The following PRKN variants were observed in gnomAD, a reference collection of about 807,000 sequenced individuals.
PRKN encodes the protein parkin RBR E3 ubiquitin protein ligase, also known as E3 ubiquitin-protein ligase parkin.
PRKN carries 56 observed loss-of-function variants against 59.5 expected under a neutral mutation model. The ratio of observed to expected loss-of-function variants is 0.94; its 90% confidence interval spans 0.76 to 1.18. The LOEUF (loss-of-function observed/expected upper bound fraction) is 1.18. PRKN is among the 50% of genes most tolerant of loss of function. The pLI is 0.00. For synonymous variants in PRKN, 250 were observed against 222.1 expected (o/e 1.13, Z -1.12); for missense variants, 657 against 596.4 (o/e 1.10, Z -1.06).
At chr6:161,591,579 A>G (rs931836465) in intron 7 of PRKN, among the ~76,000 whole-genome samples, 6 of 152,206 alleles carry the variant, frequency 3.9e-5, no homozygotes, top group African/African-American at 1.4e-4. Flanking sequence ...AGTTTCCACA[A>G]CATCCACAGA....
chr6:161,347,514 T>G lies in PRKN; in HGVS notation c.*2585A>C, dbSNP rs1190240388. On this transcript the variant is annotated 3_prime_UTR_variant, in exon 12 of 12. Transcript: ENST00000366898. The stretch of plus-strand genomic sequence containing the variant: ...AAAACAGACTTTTTCTGCAAAGACT[T>G]TATTTCTATTTTTTGATACATTCAT... 1 of 152,118 alleles carries G rather than the reference T, an allele frequency of 6.6e-6. No homozygotes were observed. Among genetic ancestry groups the G allele is most frequent in the East Asian group, 1.9e-4 (1 of 5,198 alleles). The allele number at this position is 152,118 out of a possible 1,614,324, so 9.4% of individuals were successfully genotyped here. A position where few individuals can be genotyped will look rare whatever the true frequency, so the allele number is the denominator to read the frequency against.
chr6:162,028,194 T>G (rs1783508437), intron 5 of PRKN, among the ~76,000 whole-genome samples: 1 of 152,062 alleles, frequency 6.6e-6, no homozygotes, highest in Non-Finnish European at 1.5e-5. Context: ...TAAAACATGG[T>G]TTTAAAGTGT....
chr6:161,438,321 G>A (rs1342497130), intron 9 of PRKN, among the ~76,000 whole-genome samples: 1 of 147,748 alleles, frequency 6.8e-6, no homozygotes, highest in Non-Finnish European at 1.5e-5. Context: ...GGGTTCAAGT[G>A]ATTCTCCTGC....
rs139746522 is a variant in PRKN, at chr6:161,749,258, A to G, written c.871+36514T>C. 4.3e-3 allele frequency among the ~76,000 whole-genome samples: 654 copies of G among 152,342 alleles called. 2 individuals are homozygous for G. Among genetic ancestry groups the G allele is most frequent in the African/African-American group, 0.015 (617 of 41,572 alleles). Reference sequence around the variant, plus strand: ...TCTTGGAAGGGAGAAGCTGTGTCACATCTATCTTTGTAAGCCACAGAGCAA... The same window carrying G: ...TCTTGGAAGGGAGAAGCTGTGTCACGTCTATCTTTGTAAGCCACAGAGCAA... On this transcript the variant is annotated intron_variant, in intron 7 of 11. Transcript: ENST00000366898.
intron 1 of PRKN, among the ~76,000 whole-genome samples, chr6:162,548,715 A>G (rs879619433): frequency 6.6e-6 from 1 of 152,214 alleles, no homozygotes; most frequent in African/African-American, 2.4e-5. Context: ...CAATGAGCTC[A>G]GGTGCAAATT....
At chr6:161,432,532 A>ATTTTTTTT (rs767620173) in intron 9 of PRKN, among the ~76,000 whole-genome samples, 3 of 125,494 alleles carry the variant, frequency 2.4e-5, no homozygotes, top group Admixed American at 8.3e-5. Flanking sequence ...TGCCCAGCTA[A>ATTTTTTTT]TTTTTTTTTT....
chr6:162,648,138 T>A (rs1248376508), intron 1 of PRKN, among the ~76,000 whole-genome samples: 1 of 152,060 alleles, frequency 6.6e-6, no homozygotes, highest in Non-Finnish European at 1.5e-5. Context: ...CAGTATTATA[T>A]AACTCTACTG....
At position 162,021,133 on chromosome 6, in the gene PRKN, TATATATATATATATA is replaced by T. The variant is rs1193274424; in HGVS notation, c.618+32943_618+32957del. 4.4e-4 allele frequency among the ~76,000 whole-genome samples: 2 copies of T among 4,568 alleles called. 1 individual carries two copies. Among genetic ancestry groups the T allele is most frequent in the Non-Finnish European group, 6.6e-4 (2 of 3,038 alleles). The allele number at this position is 4,568 out of a possible 152,430, so 3.0% of individuals were successfully genotyped here. A position where few individuals can be genotyped will look rare whatever the true frequency, so the allele number is the denominator to read the frequency against. On this transcript the variant is annotated intron_variant, in intron 5 of 11. Transcript: ENST00000366898. ...AAAAACAAAAACATATATATATATA[TATATATATATATATA>T]TATATATATATATATATAAAATATA...
At chr6:162,673,744 C>A (rs548519149) in intron 1 of PRKN, among the ~76,000 whole-genome samples, 145 of 152,218 alleles carry the variant, frequency 9.5e-4, no homozygotes, top group African/African-American at 3.4e-3. Flanking sequence ...CCAAACCATA[C>A]AGAGGAAGAT....
intron 6 of PRKN, among the ~76,000 whole-genome samples, chr6:161,790,248 A>G (rs940256008): frequency 1.3e-5 from 2 of 152,250 alleles, no homozygotes; most frequent in African/African-American, 4.8e-5. Context: ...AATCACAGAC[A>G]TGCAAGTATG....
chr6:162,528,293 G>T (rs761928835), intron 1 of PRKN, among the ~76,000 whole-genome samples: 1 of 150,444 alleles, frequency 6.6e-6, no homozygotes, highest in Admixed American at 6.7e-5. Context: ...CTGCACTCCA[G>T]CCTGGGTGAA....
At chr6:162,321,384 T>TA (rs1490256608) in intron 2 of PRKN, among the ~76,000 whole-genome samples, 1 of 151,870 alleles carries the variant, frequency 6.6e-6, no homozygotes, top group Admixed American at 6.6e-5. Context: ...GATACTGCAT[T>TA]AAAAAACCTC....
In PRKN at chr6:161,516,511, A is replaced by AAAG. The variant is rs1024623750; in HGVS notation, c.1083+32340_1083+32342dup. 9.0e-5 allele frequency among the ~76,000 whole-genome samples: 13 copies of AAAG among 143,668 alleles called. No homozygotes were observed. In the South Asian group the frequency reaches 1.1e-3, roughly 12 times the overall value. The allele number at this position is 143,668 out of a possible 152,430, so 94.3% of individuals were successfully genotyped here. Reference sequence around the variant, plus strand: ...AAAAAAAAGAAGAAGAAGAAAGAAGAAAGAAGAAGAAGAAGAAGAAAAAGA... The same window carrying AAAG: ...AAAAAAAAGAAGAAGAAGAAAGAAGAAAGAAGAAGAAGAAGAAGAAGAAAAAGA... On this transcript the variant is annotated intron_variant, in intron 9 of 11. Transcript: ENST00000366898.
At position 162,710,937 on chromosome 6, in the gene PRKN, A is replaced by T. The variant is rs374022030; in HGVS notation, c.7+16725T>A. ...AGGGCACAGTGCATCCAGCCCTAGC[A>T]TCACCCAGTATTAAATGAAAATAAT... On this transcript the variant is annotated intron_variant, in intron 1 of 11. Transcript: ENST00000366898. Among the ~76,000 whole-genome samples the T allele has an allele frequency of 5.1e-3, 781 of 152,286 alleles. 7 individuals are homozygous for T. The highest frequency in any genetic ancestry group is 0.017 in the African/African-American group (713 of 41,560).
chr6:162,384,663 C>A (rs73015609), intron 2 of PRKN, among the ~76,000 whole-genome samples: 45,417 of 123,660 alleles, frequency 0.37, 7,988 homozygotes, highest in East Asian at 0.63. Context: ...AAAAAAAAAA[C>A]AAAAAAAAAA....
chr6:161,926,682 G>A (rs1165512460), intron 6 of PRKN, among the ~76,000 whole-genome samples: 1 of 152,150 alleles, frequency 6.6e-6, no homozygotes, highest in East Asian at 1.9e-4. Context: ...AATCTAGTGA[G>A]TTTTAGGTCT....
intron 4 of PRKN, among the ~76,000 whole-genome samples, chr6:162,116,023 A>G (rs1378027806): frequency 6.6e-6 from 1 of 152,204 alleles, no homozygotes; most frequent in African/African-American, 2.4e-5. Flanking sequence ...TTCATACTTT[A>G]AAAGATATAG....
intron 6 of PRKN, among the ~76,000 whole-genome samples, chr6:161,807,026 G>C (rs929233727): frequency 2.8e-4 from 43 of 152,202 alleles, no homozygotes; most frequent in African/African-American, 1.0e-3. Flanking sequence ...TCATTCCTTT[G>C]ATTTGCGCTG....
chr6:162,104,771 A>G (rs992314449), intron 4 of PRKN, among the ~76,000 whole-genome samples: 2 of 152,218 alleles, frequency 1.3e-5, no homozygotes, highest in African/African-American at 4.8e-5. Flanking sequence ...TTTCAGGAGT[A>G]GGAGGAAAAC....
Sources: allele counts gnomAD v4.1 joint callset (sites outside exome capture counted in the v4.1 genomes callset), GRCh38; gene constraint gnomAD v4.1.1; transcripts MANE v1.5; gene names NCBI Gene and HGNC (gene_info 2026-07-23, HGNC 2026-07-21).